The following SCAPER variants were observed in gnomAD, a reference collection of about 807,000 sequenced individuals.
SCAPER encodes the protein S-phase cyclin A associated protein in the ER.
In SCAPER, 98 loss-of-function variants were observed where a neutral mutation model predicts 182.2. The ratio of observed to expected loss-of-function variants is 0.54; its 90% CI spans 0.46 to 0.64. The LOEUF is 0.64. Ranked by LOEUF, SCAPER falls within the 30% of genes least tolerant of loss-of-function variation. The pLI is 0.00. For synonymous variants in SCAPER, 605 were observed against 564.6 expected (o/e 1.07, Z -1.01); for missense variants, 1,432 against 1,690.0 (o/e 0.85, Z 2.68).
chr15:76,842,446 C>T (rs2069572788), intron 4 of SCAPER, among the ~76,000 whole-genome samples: 1 of 152,206 alleles, frequency 6.6e-6, no homozygotes, highest in Non-Finnish European at 1.5e-5. Context: ...CCTCACTTCG[C>T]TGGGCAGTTC....
chr15:76,843,073 T>C (rs922779489), intron 4 of SCAPER, among the ~76,000 whole-genome samples: 1 of 152,248 alleles, frequency 6.6e-6, no homozygotes, highest in Non-Finnish European at 1.5e-5. Context: ...ACTACTACCA[T>C]TCATCCCTAC....
intron 4 of SCAPER, among the ~76,000 whole-genome samples, chr15:76,857,353 A>C (rs2071478328): frequency 6.6e-6 from 1 of 151,862 alleles, no homozygotes; most frequent in Non-Finnish European, 1.5e-5. Flanking sequence ...GAACTACTTG[A>C]ACCCAAGAGG....
intron 20 of SCAPER, among the ~76,000 whole-genome samples, chr15:76,672,455 AAC>A (rs2057090741): frequency 6.6e-6 from 1 of 152,166 alleles, no homozygotes; most frequent in South Asian, 2.1e-4. Context: ...AATAAGCTGA[AAC>A]ACACACAAAA....
chr15:76,535,192 C>A (rs1162537801), intron 23 of SCAPER, among the ~76,000 whole-genome samples: 4 of 152,020 alleles, frequency 2.6e-5, no homozygotes, highest in Non-Finnish European at 4.4e-5. Context: ...CAATTTCATG[C>A]CCATGACACA....
intron 27 of SCAPER, among the ~76,000 whole-genome samples, chr15:76,394,754 A>G (rs2043935705): frequency 6.6e-6 from 1 of 152,204 alleles, no homozygotes; most frequent in Non-Finnish European, 1.5e-5. Flanking sequence ...GATACCTGAG[A>G]TATTTTGATA....
chr15:76,451,420 A>G lies in SCAPER; in HGVS notation c.3079-17110T>C, dbSNP rs116161350. ...GGATGTAGGGTAAGTGTATGTTTAT[A>G]AGAAACTGCCAAACTTAAAGCACAC... On this transcript the variant is annotated intron_variant, in intron 25 of 31. Transcript: ENST00000563290. Among the ~76,000 whole-genome samples, 268 of 152,336 alleles carry G rather than the reference A, an allele frequency of 1.8e-3. 2 individuals are homozygous for G. Among genetic ancestry groups the G allele is most frequent in the African/African-American group, 6.2e-3 (258 of 41,570 alleles).
chr15:76,775,908 G>A lies in SCAPER; in HGVS notation c.773-791C>T, dbSNP rs1002035348. 4.6e-5 allele frequency among the ~76,000 whole-genome samples: 7 copies of A among 152,178 alleles called. No individual in the cohort carries two copies. The East Asian group carries it at 9.7e-4, about 21-fold the overall frequency. ...TGTTGAGGTATTTATATGTATAGTG[G>A]TGCTTATAGCCCCAATTGTAAATTT... On this transcript the variant is annotated intron_variant, in intron 8 of 31. Coordinates refer to ENST00000563290, the MANE Select transcript of SCAPER (RefSeq NM_020843.4).
At chr15:76,485,554 C>CA (rs947892377) in intron 24 of SCAPER, among the ~76,000 whole-genome samples, 7 of 151,942 alleles carry the variant, frequency 4.6e-5, no homozygotes, top group African/African-American at 1.5e-4. Context: ...CATATGGAAT[C>CA]AAAAAAAGAG....
Position 76,795,433 on chromosome 15 carries a change from T to C in SCAPER, c.619A>G (p.Thr207Ala), listed in dbSNP as rs762168825. 12 of 1,589,234 alleles carry C rather than the reference T, an allele frequency of 7.6e-6. No homozygotes were observed. Among genetic ancestry groups the C allele is most frequent in the East Asian group, 4.5e-5 (2 of 44,256 alleles). The change falls in exon 8 of 32, where the codon ACT (threonine) becomes GCT (alanine). Residue 207 changes from threonine (T) to alanine (A), a missense_variant. Physicochemically the swap from Thr to Ala is moderately conservative, Grantham distance 58. Around this residue, in one of 5 missense-constraint regions of SCAPER, gnomAD observed 480 missense variants for 510.2 expected, o/e 0.94. Coordinates refer to ENST00000563290, the MANE Select transcript of SCAPER (RefSeq NM_020843.4). Reference sequence around the variant, plus strand: ...AGACGAGGAGCTGGCACTGTGCCAGTTGAACCTCTATGGAGAAAAATAAAC... The same window carrying C: ...AGACGAGGAGCTGGCACTGTGCCAGCTGAACCTCTATGGAGAAAAATAAAC... ...ARRSLNFGGS[T>A]GTVPAPRLAP...
chr15:76,861,574 C>A (rs2071868518), intron 3 of SCAPER, among the ~76,000 whole-genome samples: 1 of 152,142 alleles, frequency 6.6e-6, no homozygotes. Context: ...TGGCTTCACA[C>A]TGCCTCTAGC....
At chr15:76,438,004 C>T (rs1325471424) in intron 25 of SCAPER, among the ~76,000 whole-genome samples, 2 of 151,960 alleles carry the variant, frequency 1.3e-5, no homozygotes, top group Non-Finnish European at 2.9e-5. Context: ...AAAAATGGGC[C>T]GGGCACAGTG....
At chr15:76,366,232 C>A (rs540160624) in intron 29 of SCAPER, among the ~76,000 whole-genome samples, 1 of 152,254 alleles carries the variant, frequency 6.6e-6, no homozygotes, top group Admixed American at 6.5e-5. Context: ...TTCAAAGGTT[C>A]TAAGTAGGGT....
chr15:76,852,106 A>G (rs538857664), intron 4 of SCAPER, among the ~76,000 whole-genome samples: 3 of 152,346 alleles, frequency 2.0e-5, no homozygotes, highest in African/African-American at 7.2e-5. Flanking sequence ...AGGGCATTAC[A>G]TAATGATAAA....
intron 22 of SCAPER, among the ~76,000 whole-genome samples, chr15:76,599,780 G>A (rs1160482390): frequency 8.2e-6 from 1 of 121,360 alleles, no homozygotes; most frequent in Non-Finnish European, 2.0e-5. Flanking sequence ...ATTCACCAAG[G>A]ACATATAATA....
chr15:76,573,943 C>G (rs1371781535), intron 23 of SCAPER, among the ~76,000 whole-genome samples: 1 of 151,384 alleles, frequency 6.6e-6, no homozygotes, highest in Non-Finnish European at 1.5e-5. Context: ...AAACCATGAC[C>G]TAAAGAGGAC....
chr15:76,873,264 A>T (rs1487428514), intron 2 of SCAPER, among the ~76,000 whole-genome samples: 1 of 150,480 alleles, frequency 6.6e-6, no homozygotes, highest in African/African-American at 2.5e-5. Context: ...AAAAAGAAAA[A>T]AAGAAAGGAA....
chr15:76,598,547 A>C (rs1274817644), intron 22 of SCAPER, among the ~76,000 whole-genome samples: 1 of 121,888 alleles, frequency 8.2e-6, no homozygotes. Context: ...ACTTGGAACC[A>C]ACCCAAATGC....
At chr15:76,488,255 T>C (rs918106619) in intron 24 of SCAPER, among the ~76,000 whole-genome samples, 1 of 152,198 alleles carries the variant, frequency 6.6e-6, no homozygotes, top group Admixed American at 6.5e-5. Context: ...CTCTCTCTTT[T>C]CTTTCACATG....
intron 1 of SCAPER, among the ~76,000 whole-genome samples, chr15:76,904,228 G>A (rs2074947931): frequency 6.6e-6 from 1 of 152,084 alleles, no homozygotes; most frequent in African/African-American, 2.4e-5. Flanking sequence ...GGTGATCTAA[G>A]GCAAGTAATA....
Sources: allele counts gnomAD v4.1 joint callset (sites outside exome capture counted in the v4.1 genomes callset), GRCh38; gene constraint gnomAD v4.1.1; regional missense constraint gnomAD v4.1.1; transcripts MANE v1.5; gene names NCBI Gene and HGNC (gene_info 2026-07-23, HGNC 2026-07-21).